NTM: variants seen among roughly 807,000 people sequenced by gnomAD.
NTM encodes the protein IgLON family member 2.
NTM carries 13 observed loss-of-function variants against 42.1 expected under a neutral mutation model. The ratio of observed to expected loss-of-function variants is 0.31; its 90% CI spans 0.20 to 0.49. NTM has a LOEUF of 0.49. Among genes scored for constraint, NTM ranks in the 20% least tolerant of loss-of-function variants. The pLI is 0.99. For missense variants in NTM, 373 were observed against 452.8 expected, an observed-to-expected ratio of 0.82 and a Z score of 1.60; for synonymous variants, 187 against 179.2, an observed-to-expected ratio of 1.04 and a Z score of -0.35.
At chr11:132,279,957 A>G (rs146574790) in intron 4 of NTM, among the ~76,000 whole-genome samples, 545 of 152,338 alleles carry the variant, frequency 3.6e-3, no homozygotes, top group Non-Finnish European at 6.0e-3. Flanking sequence ...ATAATGACCA[A>G]TAACTCCTAC....
At chr11:132,301,206 A>AG (rs2094839220) in intron 4 of NTM, among the ~76,000 whole-genome samples, 1 of 152,196 alleles carries the variant, frequency 6.6e-6, no homozygotes, top group South Asian at 2.1e-4. Flanking sequence ...CAGCAGGAAG[A>AG]AGAGTGAGTG....
chr11:131,520,311 A>G (rs1205310336), intron 1 of NTM, among the ~76,000 whole-genome samples: 1 of 152,222 alleles, frequency 6.6e-6, no homozygotes, highest in Non-Finnish European at 1.5e-5. Flanking sequence ...TTGAGATATT[A>G]TCAATAAAGA....
intron 2 of NTM, among the ~76,000 whole-genome samples, chr11:132,107,890 C>T (rs2062615326): frequency 6.6e-6 from 1 of 152,200 alleles, no homozygotes; most frequent in African/African-American, 2.4e-5. Flanking sequence ...ACCCTGTCTG[C>T]ATGTACACAC....
At chr11:132,035,074 GTAAC>G (rs2076352288) in intron 2 of NTM, among the ~76,000 whole-genome samples, 1 of 152,174 alleles carries the variant, frequency 6.6e-6, no homozygotes, top group Admixed American at 6.5e-5. Flanking sequence ...TTTGCTTTGA[GTAAC>G]TGAGAGGACT....
intron 4 of NTM, among the ~76,000 whole-genome samples, chr11:132,297,600 T>G (rs2094666235): frequency 6.6e-6 from 1 of 152,246 alleles, no homozygotes; most frequent in Admixed American, 6.5e-5. Context: ...ATTTATAAGT[T>G]ATTTCACTTC....
At chr11:132,142,256 C>T (rs181741849) in intron 2 of NTM, among the ~76,000 whole-genome samples, 20 of 152,300 alleles carry the variant, frequency 1.3e-4, no homozygotes, top group Non-Finnish European at 2.5e-4. Context: ...CGGCCATCTC[C>T]AGTTCAGCTC....
intron 1 of NTM, among the ~76,000 whole-genome samples, chr11:131,394,145 T>G (rs1192744373): frequency 1.3e-5 from 2 of 152,198 alleles, no homozygotes; most frequent in Non-Finnish European, 2.9e-5. Context: ...GGGAAAGCCT[T>G]GAAAAGGAAT....
intron 2 of NTM, among the ~76,000 whole-genome samples, chr11:132,015,145 G>C (rs976282986): frequency 3.9e-5 from 6 of 151,928 alleles, no homozygotes; most frequent in African/African-American, 1.4e-4. Flanking sequence ...TTATTGAACA[G>C]TGTGGTCTTT....
At chr11:131,794,632 T>C (rs931994891) in intron 1 of NTM, 3 of 984,894 alleles carry the variant, frequency 3.0e-6, no homozygotes, top group African/African-American at 3.5e-5. Context: ...GTTGAATGAA[T>C]GAATGAATGA....
At chr11:132,044,976 G>A (rs1345248344) in intron 2 of NTM, among the ~76,000 whole-genome samples, 2 of 152,078 alleles carry the variant, frequency 1.3e-5, no homozygotes, top group African/African-American at 4.8e-5. Context: ...CATTCCTATT[G>A]AAAATATTCC....
intron 1 of NTM, among the ~76,000 whole-genome samples, chr11:131,648,710 C>G (rs559913547): frequency 1.1e-4 from 16 of 152,228 alleles, no homozygotes; most frequent in Non-Finnish European, 1.5e-4. Flanking sequence ...TACCAACATG[C>G]CTTTATTATT....
At chr11:131,977,244 G>A (rs1171098275) in intron 2 of NTM, among the ~76,000 whole-genome samples, 1 of 152,256 alleles carries the variant, frequency 6.6e-6, no homozygotes, top group Non-Finnish European at 1.5e-5. Context: ...AAAACAAAAA[G>A]CGACTACGCG....
intron 1 of NTM, among the ~76,000 whole-genome samples, chr11:131,455,899 G>A (rs11222627): frequency 0.05 from 7,661 of 152,270 alleles, 293 homozygotes; most frequent in Non-Finnish European, 0.074. Flanking sequence ...TTTTGAGGCC[G>A]ACATACAGTG....
At chr11:131,656,229 T>C (rs528601426) in intron 1 of NTM, among the ~76,000 whole-genome samples, 22 of 152,296 alleles carry the variant, frequency 1.4e-4, no homozygotes, top group African/African-American at 5.3e-4. Context: ...GGAAAAAAAG[T>C]GTAAGAGATT....
At chr11:131,494,496 G>A (rs1197950643) in intron 1 of NTM, among the ~76,000 whole-genome samples, 1 of 152,192 alleles carries the variant, frequency 6.6e-6, no homozygotes, top group East Asian at 1.9e-4. Flanking sequence ...TCCATGTTAT[G>A]GTAACCAATT....
chr11:131,763,921 C>A (rs186760152), intron 1 of NTM, among the ~76,000 whole-genome samples: 1 of 151,576 alleles, frequency 6.6e-6, no homozygotes, highest in Non-Finnish European at 1.5e-5. Context: ...TTTTATTTAT[C>A]GTTTCCATTG....
chr11:132,025,957 C>G (rs753795766), intron 2 of NTM, among the ~76,000 whole-genome samples: 4 of 152,092 alleles, frequency 2.6e-5, no homozygotes, highest in African/African-American at 4.8e-5. Context: ...ACATGGAATC[C>G]TGATTCTGTC....
intron 4 of NTM, among the ~76,000 whole-genome samples, chr11:132,265,453 G>A (rs546662505): frequency 5.3e-5 from 8 of 152,212 alleles, no homozygotes; most frequent in Admixed American, 6.5e-5. Context: ...TTCTGAATTC[G>A]TTCACCAGAA....
chr11:132,319,744 C>A (rs1334096850), intron 7 of NTM, among the ~76,000 whole-genome samples: 1 of 152,220 alleles, frequency 6.6e-6, no homozygotes, highest in East Asian at 1.9e-4. Flanking sequence ...CTTAAATGTC[C>A]CTCTCAGACA....
Sources: allele counts gnomAD v4.1 joint callset (sites outside exome capture counted in the v4.1 genomes callset), GRCh38; gene constraint gnomAD v4.1.1; transcripts MANE v1.5; gene names NCBI Gene and HGNC (gene_info 2026-07-23, HGNC 2026-07-21).